Variants in TPD52 observed in about 807,000 individuals in gnomAD.
TPD52 encodes tumor protein D52.
A neutral mutation model predicts 31.3 loss-of-function variants in TPD52; 17 were observed. The ratio of observed to expected loss-of-function variants is 0.54; its 90% CI spans 0.37 to 0.82. The LOEUF (loss-of-function observed/expected upper bound fraction) is 0.82. Ranked by LOEUF, TPD52 falls within the 40% of genes least tolerant of loss-of-function variation. The pLI is 0.00. For missense variants in TPD52, 212 were observed against 240.1 expected (o/e 0.88, Z 0.77); for synonymous variants, 83 against 89.6 (o/e 0.93, Z 0.42).
intron 1 of TPD52, among the ~76,000 whole-genome samples, chr8:80,078,433 C>T (rs1586247299): frequency 6.6e-6 from 1 of 152,172 alleles, no homozygotes; most frequent in Non-Finnish European, 1.5e-5. Flanking sequence ...AAAGCTTCTA[C>T]GTAGAAATAC....
At chr8:80,057,637 G>C (rs1269756495) in intron 2 of TPD52, among the ~76,000 whole-genome samples, 1 of 152,128 alleles carries the variant, frequency 6.6e-6, no homozygotes, top group Non-Finnish European at 1.5e-5. Context: ...CAGACACAAA[G>C]ATGGGAACAC....
At chr8:80,144,145 T>G (rs1337179487) in intron 1 of TPD52, among the ~76,000 whole-genome samples, 1 of 152,190 alleles carries the variant, frequency 6.6e-6, no homozygotes, top group Non-Finnish European at 1.5e-5. Context: ...ATGAAAGTAA[T>G]CTCTGTCAGG....
chr8:80,164,332 G>A (rs1586430184), intron 1 of TPD52, among the ~76,000 whole-genome samples: 2 of 152,136 alleles, frequency 1.3e-5, no homozygotes, highest in African/African-American at 4.8e-5. Flanking sequence ...AGAAAAGAAT[G>A]TAAGAATTTA....
intron 1 of TPD52, among the ~76,000 whole-genome samples, chr8:80,157,987 T>C (rs1015229047): frequency 1.3e-4 from 20 of 152,298 alleles, no homozygotes; most frequent in African/African-American, 4.3e-4. Context: ...TCTGCTCTCA[T>C]TTTACAAACA....
chr8:80,145,366 C>T (rs1810118650), intron 1 of TPD52, among the ~76,000 whole-genome samples: 1 of 152,174 alleles, frequency 6.6e-6, no homozygotes, highest in African/African-American at 2.4e-5. Context: ...TTTGAGCGGG[C>T]ATGGCAGTTG....
intron 1 of TPD52, among the ~76,000 whole-genome samples, chr8:80,065,181 G>A (rs1030258330): frequency 1.3e-5 from 2 of 151,852 alleles, no homozygotes; most frequent in Non-Finnish European, 2.9e-5. Flanking sequence ...GAGACAGGGT[G>A]TCGCTATGTT....
intron 1 of TPD52, among the ~76,000 whole-genome samples, chr8:80,083,458 C>T (rs1815486875): frequency 1.3e-5 from 2 of 152,118 alleles, no homozygotes; most frequent in South Asian, 2.1e-4. Context: ...ATCATGGGGG[C>T]GGTTCCCCCA....
chr8:80,121,762 C>A (rs1014332676), intron 1 of TPD52, among the ~76,000 whole-genome samples: 5 of 152,162 alleles, frequency 3.3e-5, no homozygotes, highest in Non-Finnish European at 7.4e-5. Flanking sequence ...ATCGGATGGT[C>A]CTCTTTTATC....
At chr8:80,146,514 T>TA (rs952334855) in intron 1 of TPD52, among the ~76,000 whole-genome samples, 9 of 152,208 alleles carry the variant, frequency 5.9e-5, no homozygotes, top group Non-Finnish European at 8.8e-5. Context: ...GGCCGGGCAT[T>TA]AATGTGGTGA....
At chr8:80,138,234 C>T (rs963707810) in intron 1 of TPD52, among the ~76,000 whole-genome samples, 5 of 152,140 alleles carry the variant, frequency 3.3e-5, no homozygotes, top group African/African-American at 7.2e-5. Context: ...TGAGCCACCG[C>T]GCCTGACCAT....
chr8:80,062,773 G>A (rs1317075677), intron 2 of TPD52, among the ~76,000 whole-genome samples: 1 of 151,876 alleles, frequency 6.6e-6, no homozygotes, highest in African/African-American at 2.4e-5. Flanking sequence ...AACCAGCTTG[G>A]GCAACATAGC....
At chr8:80,140,328 C>T (rs1461997906) in intron 1 of TPD52, among the ~76,000 whole-genome samples, 1 of 152,198 alleles carries the variant, frequency 6.6e-6, no homozygotes, top group Non-Finnish European at 1.5e-5. Context: ...AATTACTCCA[C>T]AGTTGTCTCC....
At chr8:80,090,077 A>G (rs144110505) in intron 1 of TPD52, among the ~76,000 whole-genome samples, 2 of 152,274 alleles carry the variant, frequency 1.3e-5, no homozygotes, top group African/African-American at 4.8e-5. Flanking sequence ...AAAGGGAAGA[A>G]GCGAATGAAA....
chr8:80,042,530 G>A, intron 7 of TPD52, 90 bp downstream of exon 7: 1 of 1,537,102 alleles, frequency 6.5e-7, no homozygotes, highest in Non-Finnish European at 8.7e-7. Context: ...TTTTTAGAAA[G>A]AAATATTAAT....
Position 80,133,487 on chromosome 8 carries a change from C to T in TPD52, c.19+37938G>A, listed in dbSNP as rs569333214. On this transcript the variant is annotated intron_variant, in intron 1 of 7. Coordinates refer to ENST00000518937, the MANE Select transcript of TPD52 (RefSeq NM_001025253.3). ...CCAGATATTCTTTCCTCTTTGTGTT[C>T]CTCCTGGTCTCTTATTAACACTACC... 5.3e-5 allele frequency among the ~76,000 whole-genome samples: 8 copies of T among 152,326 alleles called. No homozygotes were observed. The South Asian group carries it at 1.7e-3, about 32-fold the overall frequency.
intron 1 of TPD52, among the ~76,000 whole-genome samples, chr8:80,169,184 C>CTTG (rs1385214784): frequency 1.5e-4 from 23 of 152,224 alleles, no homozygotes; most frequent in African/African-American, 4.8e-4. Flanking sequence ...AGGGTTCCAC[C>CTTG]TTGTTGGACA....
At chr8:80,061,104 G>A (rs1233139455) in intron 2 of TPD52, among the ~76,000 whole-genome samples, 8 of 152,188 alleles carry the variant, frequency 5.3e-5, no homozygotes, top group Admixed American at 5.2e-4. Context: ...GGTGGCTCAT[G>A]CCTGTAATCC....
rs531055290 is a variant in TPD52 at position 80,107,076 on chromosome 8, C to T, written c.20-42483G>A. ...CCATGTTACCTAGAATTGTCTAGAT[C>T]TCCTGACCTCGTGATCCGCCCACCT... On this transcript the variant is annotated intron_variant, in intron 1 of 7. Coordinates refer to ENST00000518937, the MANE Select transcript of TPD52 (RefSeq NM_001025253.3). 2.8e-4 allele frequency among the ~76,000 whole-genome samples: 43 copies of T among 152,168 alleles called. No homozygotes were observed. In the South Asian group the frequency reaches 8.1e-3, roughly 29 times the overall value.
chr8:80,114,749 A>T (rs1035342407), intron 1 of TPD52, among the ~76,000 whole-genome samples: 1 of 152,166 alleles, frequency 6.6e-6, no homozygotes, highest in Non-Finnish European at 1.5e-5. Flanking sequence ...TGCCTTGCCT[A>T]TACCACAATA....
Sources: allele counts gnomAD v4.1 joint callset (sites outside exome capture counted in the v4.1 genomes callset), GRCh38; gene constraint gnomAD v4.1.1; transcripts MANE v1.5; gene names NCBI Gene and HGNC (gene_info 2026-07-23, HGNC 2026-07-21).